Variants in MAP3K5 observed in about 807,000 individuals in gnomAD.
MAP3K5 encodes mitogen-activated protein kinase kinase kinase 5.
In MAP3K5, 56 loss-of-function variants were observed where a neutral mutation model predicts 158.7. That is an observed-to-expected ratio of 0.35 (90% CI 0.28 to 0.44). MAP3K5 has a LOEUF of 0.44. Ranked by LOEUF, MAP3K5 falls within the 20% of genes least tolerant of loss-of-function variation. The probability of loss-of-function intolerance (pLI) is 1.00; values close to 1 mark genes in which losing one functional copy is unlikely to be tolerated. For missense variants in MAP3K5, 1,294 were observed against 1,674.8 expected, an observed-to-expected ratio of 0.77 and a Z score of 3.97; for synonymous variants, 579 against 601.7, an observed-to-expected ratio of 0.96 and a Z score of 0.55.
chr6:136,752,472 C>T (rs1205435100), intron 1 of MAP3K5, among the ~76,000 whole-genome samples: 1 of 152,094 alleles, frequency 6.6e-6, no homozygotes, highest in South Asian at 2.1e-4. Flanking sequence ...AGTGCAATGG[C>T]GTGATCTTGG....
chr6:136,717,527 T>C (rs1781577240), intron 2 of MAP3K5, among the ~76,000 whole-genome samples: 1 of 152,216 alleles, frequency 6.6e-6, no homozygotes, highest in Non-Finnish European at 1.5e-5. Context: ...TCTAAAACTG[T>C]CTTTGCCCTG....
At chr6:136,650,942 C>T (rs748294311) in intron 11 of MAP3K5, 42 bp downstream of exon 11, 2 of 1,283,498 alleles carry the variant, frequency 1.6e-6, no homozygotes, top group African/African-American at 1.5e-5. Flanking sequence ...GTGTAAAGTC[C>T]CTTGTTACTA....
At chr6:136,691,339 G>A (rs370989467) in intron 7 of MAP3K5, among the ~76,000 whole-genome samples, 1 of 152,048 alleles carries the variant, frequency 6.6e-6, no homozygotes, top group African/African-American at 2.4e-5. Context: ...GGCTGGGCAC[G>A]GTGGCTCACA....
intron 25 of MAP3K5, among the ~76,000 whole-genome samples, chr6:136,570,804 C>G (rs923037085): frequency 1.3e-5 from 2 of 152,186 alleles, no homozygotes; most frequent in Admixed American, 1.3e-4. Flanking sequence ...CTCCCCATTA[C>G]TCCCTCTTCT....
intron 7 of MAP3K5, 63 bp from the exon 8 acceptor site, chr6:136,669,458 G>T (rs1779374001): frequency 3.3e-6 from 3 of 920,910 alleles, no homozygotes; most frequent in Admixed American, 3.9e-5. Flanking sequence ...GTGTGTAATA[G>T]CTTCTGTTTG....
chr6:136,763,040 C>T (rs1330544367), intron 1 of MAP3K5, among the ~76,000 whole-genome samples: 2 of 152,076 alleles, frequency 1.3e-5, no homozygotes, highest in African/African-American at 2.4e-5. Flanking sequence ...ACTCAGTCAC[C>T]CAGGCTGGAG....
chr6:136,707,611 T>A (rs1781136655), intron 2 of MAP3K5, among the ~76,000 whole-genome samples: 1 of 152,230 alleles, frequency 6.6e-6, no homozygotes, highest in Non-Finnish European at 1.5e-5. Flanking sequence ...AGAAAGTTCA[T>A]TTTGACACAT....
intron 26 of MAP3K5, among the ~76,000 whole-genome samples, chr6:136,566,285 A>G (rs1774108128): frequency 6.6e-6 from 1 of 152,212 alleles, no homozygotes; most frequent in African/African-American, 2.4e-5. Flanking sequence ...AAGCAGATAT[A>G]CCAGCTCTTT....
At chr6:136,785,382 G>A (rs539460215) in intron 1 of MAP3K5, among the ~76,000 whole-genome samples, 1 of 152,312 alleles carries the variant, frequency 6.6e-6, no homozygotes, top group South Asian at 2.1e-4. Context: ...TAACTAGCAT[G>A]TGCTTCCTTC....
At chr6:136,772,244 G>A (rs72983528) in intron 1 of MAP3K5, among the ~76,000 whole-genome samples, 4 of 151,644 alleles carry the variant, frequency 2.6e-5, no homozygotes, top group African/African-American at 9.7e-5. Context: ...TTGAGGGGGG[G>A]GGAGACCTTA....
chr6:136,634,074 T>C (rs980837601), intron 14 of MAP3K5, among the ~76,000 whole-genome samples: 2 of 152,216 alleles, frequency 1.3e-5, no homozygotes, highest in African/African-American at 4.8e-5. Flanking sequence ...TTGTTATTCA[T>C]GGGCTGAAGT....
At chr6:136,769,969 A>C (rs2115001376) in intron 1 of MAP3K5, among the ~76,000 whole-genome samples, 1 of 152,168 alleles carries the variant, frequency 6.6e-6, no homozygotes, top group East Asian at 1.9e-4. Flanking sequence ...GTGAAGTTTA[A>C]AATAGACAGC....
rs77245651 is a variant in MAP3K5 at position 136,561,016 on chromosome 6, G to C, written c.3987+517C>G. 0.013 allele frequency among the ~76,000 whole-genome samples: 1,889 copies of C among 148,132 alleles called. 92 individuals carry two copies. In the East Asian group the frequency reaches 0.14, roughly 11 times the overall value. On this transcript the variant is annotated intron_variant, in intron 28 of 29. Coordinates refer to ENST00000359015, the MANE Select transcript of MAP3K5 (RefSeq NM_005923.4). ...ATAAAAATTAACATACAAAGAATTA[G>C]AAACAAGAAATTTTTTCTTTTAGTC...
intron 2 of MAP3K5, among the ~76,000 whole-genome samples, chr6:136,717,250 C>T (rs1202298145): frequency 6.6e-6 from 1 of 152,024 alleles, no homozygotes. Flanking sequence ...CAATTAAATG[C>T]TATGACTAGA....
At chr6:136,783,758 G>A (rs898196368) in intron 1 of MAP3K5, among the ~76,000 whole-genome samples, 5 of 152,322 alleles carry the variant, frequency 3.3e-5, no homozygotes, top group Middle Eastern at 3.4e-3. Context: ...GGAGTCAGTA[G>A]CCAATAATGC....
chr6:136,561,636 T>C lies in MAP3K5; in HGVS notation c.3884A>G (p.Glu1295Gly). 2 of 1,597,288 alleles carry C rather than the reference T, an allele frequency of 1.3e-6. No homozygotes were observed. Among genetic ancestry groups the C allele is most frequent in the Non-Finnish European group, 1.7e-6 (2 of 1,164,670 alleles). Residue 1295 changes from glutamate (E) to glycine (G), a missense_variant, in exon 28 of 30, where the codon GAA becomes GGA. Glu to Gly is a moderately conservative substitution (Grantham distance 98). Coordinates refer to ENST00000359015, the MANE Select transcript of MAP3K5 (RefSeq NM_005923.4). The stretch of plus-strand genomic sequence containing the variant: ...AGAATTTAGATGAAATACAGGCAAT[T>C]CAGGAATTTCTAGAACAGAATTTTG... ...KLKSQPIEIPELPVFHLNSSG... is the reference protein window; with the variant it reads ...KLKSQPIEIPGLPVFHLNSSG...
intron 1 of MAP3K5, among the ~76,000 whole-genome samples, chr6:136,784,995 A>G (rs532809712): frequency 2.0e-5 from 3 of 152,130 alleles, no homozygotes; most frequent in Admixed American, 1.3e-4. Flanking sequence ...CAGTCCTCCA[A>G]ATTTTTTTAA....
At chr6:136,775,591 AC>A (rs1203363207) in intron 1 of MAP3K5, among the ~76,000 whole-genome samples, 4 of 152,300 alleles carry the variant, frequency 2.6e-5, no homozygotes, top group Admixed American at 1.3e-4. Flanking sequence ...CTGATAATAA[AC>A]CATGGAGAAT....
intron 7 of MAP3K5, among the ~76,000 whole-genome samples, chr6:136,675,299 G>T (rs1388220982): frequency 6.6e-6 from 1 of 152,022 alleles, no homozygotes; most frequent in African/African-American, 2.4e-5. Flanking sequence ...AAAATTATCA[G>T]TGAGGATATA....
Sources: allele counts gnomAD v4.1 joint callset (sites outside exome capture counted in the v4.1 genomes callset), GRCh38; gene constraint gnomAD v4.1.1; transcripts MANE v1.5; gene names NCBI Gene and HGNC (gene_info 2026-07-23, HGNC 2026-07-21).